The following THSD7A variants were observed in gnomAD, a reference collection of about 807,000 sequenced individuals.
The protein encoded by THSD7A is thrombospondin type 1 domain containing 7A, also known as thrombospondin type-1 domain-containing protein 7A.
In THSD7A, 96 loss-of-function variants were observed where a neutral mutation model predicts 231.3. The ratio of observed to expected loss-of-function variants is 0.41; its 90% CI spans 0.35 to 0.49. THSD7A has a LOEUF of 0.49. Ranked by LOEUF, THSD7A falls within the 20% of genes least tolerant of loss-of-function variation. THSD7A has a pLI of 0.05. For missense variants in THSD7A, 2,290 were observed against 2,070.2 expected (o/e 1.11, Z -2.06); for synonymous variants, 940 against 743.3 (o/e 1.26, Z -4.30).
Position 11,590,345 on chromosome 7 carries a change from T to C in THSD7A, c.1453+115A>G. 1 of 1,046,342 alleles carries C rather than the reference T, an allele frequency of 9.6e-7. No individual in the cohort carries two copies. Among genetic ancestry groups the C allele is most frequent in the Non-Finnish European group, 1.4e-6 (1 of 740,470 alleles). The allele number at this position is 1,046,342 out of a possible 1,614,324, so 64.8% of individuals were successfully genotyped here. ...TTACCATAGTGAATACCAACCACAA[T>C]GTGAACAGAAATGCAGCCCTCATAA... is the stretch of plus-strand genomic sequence containing the variant. On this transcript the variant is annotated intron_variant, in intron 4 of 27. Transcript: ENST00000423059. The surrounding 1 kb of genome is among the most constrained non-coding windows in gnomAD (Gnocchi z 4.4).
chr7:11,604,911 A>T (rs1780683536), intron 2 of THSD7A, among the ~76,000 whole-genome samples: 1 of 152,086 alleles, frequency 6.6e-6, no homozygotes, highest in African/African-American at 2.4e-5. Context: ...AGCATATCAG[A>T]GTTCAAAGCC....
intron 1 of THSD7A, among the ~76,000 whole-genome samples, chr7:11,703,291 A>G (rs1780663291): frequency 6.6e-6 from 1 of 151,248 alleles, no homozygotes; most frequent in South Asian, 2.1e-4. Context: ...ACATCTGCAA[A>G]GTATCAAAAA....
intron 1 of THSD7A, among the ~76,000 whole-genome samples, chr7:11,671,021 A>G (rs1783367695): frequency 6.6e-6 from 1 of 152,170 alleles, no homozygotes; most frequent in African/African-American, 2.4e-5. Context: ...TCCAAGTTTG[A>G]TGAGAAGTTT....
intron 4 of THSD7A, among the ~76,000 whole-genome samples, chr7:11,554,265 G>A (rs1204360463): frequency 6.6e-6 from 1 of 151,952 alleles, no homozygotes; most frequent in African/African-American, 2.4e-5. Context: ...TCCAATGGGT[G>A]GTGTCCTTAT....
In THSD7A at chr7:11,475,553, GTA is replaced by G. The variant is rs535032182; in HGVS notation, c.2018-987_2018-986del. 8.3e-4 allele frequency among the ~76,000 whole-genome samples: 123 copies of G among 148,678 alleles called. 1 individual carries two copies. Among genetic ancestry groups the G allele is most frequent in the Admixed American group, 3.5e-3 (52 of 14,802 alleles). On this transcript the variant is annotated intron_variant, in intron 7 of 27. Transcript: ENST00000423059. Reference sequence around the variant, plus strand: ...ATTTACTTAGAAATCAGGGTTATAAGTATATATATAACATATATGTATATATA... The same window carrying G: ...ATTTACTTAGAAATCAGGGTTATAAGTATATATAACATATATGTATATATA...
intron 9 of THSD7A, among the ~76,000 whole-genome samples, chr7:11,466,933 A>G (rs944999195): frequency 6.6e-6 from 1 of 151,944 alleles, no homozygotes; most frequent in African/African-American, 2.4e-5. Flanking sequence ...CACTCACCAC[A>G]AGAAATGAGC....
intron 1 of THSD7A, among the ~76,000 whole-genome samples, chr7:11,829,073 C>G (rs10243098): frequency 0.12 from 18,901 of 151,802 alleles, 1,386 homozygotes; most frequent in East Asian, 0.31. Context: ...TTTATTGTAA[C>G]AATATAGTAT....
At chr7:11,430,254 T>C (rs1272694767) in intron 13 of THSD7A, among the ~76,000 whole-genome samples, 2 of 152,154 alleles carry the variant, frequency 1.3e-5, no homozygotes, top group Non-Finnish European at 2.9e-5. Context: ...CATGTTTTGG[T>C]TTTCAGTATG....
intron 11 of THSD7A, among the ~76,000 whole-genome samples, chr7:11,449,766 G>T (rs1785085676): frequency 6.6e-6 from 1 of 152,000 alleles, no homozygotes; most frequent in African/African-American, 2.4e-5. Context: ...GACCCTTTCA[G>T]ACACTCTAAA....
At chr7:11,398,492 G>C (rs1583668550) in intron 23 of THSD7A, among the ~76,000 whole-genome samples, 1 of 151,960 alleles carries the variant, frequency 6.6e-6, no homozygotes, top group South Asian at 2.1e-4. Flanking sequence ...GTGTATACCT[G>C]TGTAACAAAC....
At chr7:11,666,727 T>C (rs1169587964) in intron 1 of THSD7A, among the ~76,000 whole-genome samples, 1 of 150,914 alleles carries the variant, frequency 6.6e-6, no homozygotes, top group Non-Finnish European at 1.5e-5. Flanking sequence ...AAATTTTATT[T>C]AAAATATATT....
intron 23 of THSD7A, among the ~76,000 whole-genome samples, chr7:11,400,979 G>T (rs575130105): frequency 1.3e-5 from 2 of 152,166 alleles, no homozygotes; most frequent in African/African-American, 4.8e-5. Flanking sequence ...AAGATGTATT[G>T]CTTACATTGA....
At chr7:11,804,724 C>T (rs1784357184) in intron 1 of THSD7A, among the ~76,000 whole-genome samples, 1 of 152,118 alleles carries the variant, frequency 6.6e-6, no homozygotes, top group African/African-American at 2.4e-5. Flanking sequence ...CAGGCTTATG[C>T]CACCTTTAAT....
intron 6 of THSD7A, among the ~76,000 whole-genome samples, chr7:11,533,528 G>C (rs1287292383): frequency 2.0e-5 from 3 of 152,190 alleles, no homozygotes; most frequent in Admixed American, 2.0e-4. Context: ...TAAAGAAAAT[G>C]TGGGACACAT....
At chr7:11,770,278 G>T (rs1402081168) in intron 1 of THSD7A, among the ~76,000 whole-genome samples, 1 of 151,926 alleles carries the variant, frequency 6.6e-6, no homozygotes, top group Non-Finnish European at 1.5e-5. Flanking sequence ...GCACTCAGAA[G>T]CCAAACCAAA....
At chr7:11,773,499 T>G (rs1222770350) in intron 1 of THSD7A, among the ~76,000 whole-genome samples, 1 of 151,474 alleles carries the variant, frequency 6.6e-6, no homozygotes, top group East Asian at 1.9e-4. Context: ...CATTGCAAAC[T>G]CCAGCCTGAG....
chr7:11,608,752 G>T (rs1780820434), intron 2 of THSD7A, among the ~76,000 whole-genome samples: 1 of 151,922 alleles, frequency 6.6e-6, no homozygotes, highest in Non-Finnish European at 1.5e-5. Context: ...TCCCTTAGAT[G>T]AACATCCACA....
At chr7:11,538,500 G>T (rs1789007707) in intron 6 of THSD7A, among the ~76,000 whole-genome samples, 1 of 152,044 alleles carries the variant, frequency 6.6e-6, no homozygotes, top group Admixed American at 6.6e-5. Context: ...CACTTGCTTT[G>T]CCAGATTTAC....
intron 1 of THSD7A, among the ~76,000 whole-genome samples, chr7:11,661,543 A>G (rs1303477666): frequency 1.3e-5 from 2 of 151,298 alleles, no homozygotes; most frequent in East Asian, 3.9e-4. Flanking sequence ...AAAAGTGTAA[A>G]ACACTGTAAC....
Sources: allele counts gnomAD v4.1 joint callset (sites outside exome capture counted in the v4.1 genomes callset), GRCh38; gene constraint gnomAD v4.1.1; non-coding constraint Gnocchi (gnomAD v3.1); transcripts MANE v1.5; gene names NCBI Gene and HGNC (gene_info 2026-07-23, HGNC 2026-07-21).